The following PVT1 variants were observed in gnomAD, a reference collection of about 807,000 sequenced individuals.
PVT1 encodes Pvt1 oncogene, also known as CXCR4/PVT1 fusion.
At chr8:127,878,095 C>A (rs573188858) in intron 2 of PVT1, among the ~76,000 whole-genome samples, 20 of 152,242 alleles carry the variant, frequency 1.3e-4, no homozygotes, top group African/African-American at 4.8e-4. Context: ...TGGCACTTTA[C>A]CCCTTTGTTC....
intron 6 of PVT1, among the ~76,000 whole-genome samples, chr8:128,096,973 C>T (rs928279178): frequency 1.3e-5 from 2 of 152,204 alleles, no homozygotes; most frequent in African/African-American, 4.8e-5. Context: ...CCAGGCTGGC[C>T]TAGAAACTGC....
At chr8:127,913,775 TC>T (rs1346485032) in intron 3 of PVT1, among the ~76,000 whole-genome samples, 1 of 152,140 alleles carries the variant, frequency 6.6e-6, no homozygotes, top group East Asian at 1.9e-4. Flanking sequence ...CCGCAGTCTT[TC>T]CCTCCCTTAA....
chr8:127,819,710 C>T (rs1310110366), intron 2 of PVT1, among the ~76,000 whole-genome samples: 3 of 152,160 alleles, frequency 2.0e-5, no homozygotes, highest in African/African-American at 7.2e-5. Context: ...TTGGGGATGC[C>T]TTGCAAGGTT....
chr8:128,082,242 T>G (rs1374144683), intron 5 of PVT1, among the ~76,000 whole-genome samples: 1 of 152,214 alleles, frequency 6.6e-6, no homozygotes, highest in Non-Finnish European at 1.5e-5. Context: ...GATAAATAGA[T>G]TGAGCTTTAG....
At chr8:127,845,432 CAG>C (rs1164317584) in intron 2 of PVT1, among the ~76,000 whole-genome samples, 3 of 152,026 alleles carry the variant, frequency 2.0e-5, no homozygotes, top group Non-Finnish European at 4.4e-5. Context: ...CTGGCTGGGA[CAG>C]AGGGGAGAGG....
intron 2 of PVT1, among the ~76,000 whole-genome samples, chr8:127,826,666 A>G (rs1212902878): frequency 2.0e-5 from 3 of 152,228 alleles, no homozygotes; most frequent in African/African-American, 7.2e-5. Context: ...AAGGGTGCAC[A>G]AAGAAAATGG....
chr8:127,977,994 C>T (rs1385513965), intron 3 of PVT1, among the ~76,000 whole-genome samples: 1 of 152,170 alleles, frequency 6.6e-6, no homozygotes, highest in Non-Finnish European at 1.5e-5. Context: ...GTTATATTTA[C>T]CCCAGCATCT....
At chr8:128,038,512 A>C (rs1310963600) in intron 4 of PVT1, among the ~76,000 whole-genome samples, 2 of 152,330 alleles carry the variant, frequency 1.3e-5, no homozygotes, top group African/African-American at 4.8e-5. Context: ...GAGGTGCGGC[A>C]CGTGAATGGG....
chr8:127,919,901 A>G (rs1191086969), intron 3 of PVT1, among the ~76,000 whole-genome samples: 1 of 152,128 alleles, frequency 6.6e-6, no homozygotes, highest in Non-Finnish European at 1.5e-5. Flanking sequence ...ATCCCTTCGC[A>G]GCGGTAGGCA....
At chr8:127,813,758 G>A (rs1181475144) in intron 2 of PVT1, among the ~76,000 whole-genome samples, 1 of 152,128 alleles carries the variant, frequency 6.6e-6, no homozygotes, top group Non-Finnish European at 1.5e-5. Context: ...CAAAAACATG[G>A]TCACCCTCAA....
intron 2 of PVT1, among the ~76,000 whole-genome samples, chr8:127,851,426 C>T (rs146235931): frequency 1.3e-5 from 2 of 152,308 alleles, no homozygotes; most frequent in East Asian, 3.9e-4. Flanking sequence ...TGAGCCACCC[C>T]CGCCCATGGC....
chr8:127,901,448 G>A (rs12542175), intron 3 of PVT1, among the ~76,000 whole-genome samples: 31,440 of 152,230 alleles, frequency 0.21, 4,104 homozygotes, highest in Non-Finnish European at 0.28. Flanking sequence ...AGATGCCCTC[G>A]GTGGCCCAGA....
At chr8:127,849,054 T>C (rs768738536) in intron 2 of PVT1, among the ~76,000 whole-genome samples, 1 of 152,202 alleles carries the variant, frequency 6.6e-6, no homozygotes, top group Non-Finnish European at 1.5e-5. Flanking sequence ...TCTCTTTCTC[T>C]GTGCCAACCC....
intron 2 of PVT1, among the ~76,000 whole-genome samples, chr8:127,813,426 C>T (rs1468349010): frequency 6.6e-6 from 1 of 151,976 alleles, no homozygotes; most frequent in Non-Finnish European, 1.5e-5. Context: ...GAAAAGTGTG[C>T]AAACATCATC....
chr8:127,970,999 T>C (rs1440634565), intron 3 of PVT1, among the ~76,000 whole-genome samples: 1 of 152,216 alleles, frequency 6.6e-6, no homozygotes, highest in African/African-American at 2.4e-5. Context: ...AATTCTTCTA[T>C]GTGCTATCAG....
chr8:127,863,473 T>C lies in PVT1; in HGVS notation n.373-27116T>C, dbSNP rs79072408. 1.9e-3 allele frequency among the ~76,000 whole-genome samples: 285 copies of C among 152,312 alleles called. 6 individuals are homozygous for C. The East Asian group carries it at 0.049, about 26-fold the overall frequency. ...GCCAAGGAACTTCTCTCTTCCCTTC[T>C]GTCTTCATAAACAAAAAATCCTACT... On this transcript the variant is annotated intron_variant and non_coding_transcript_variant, in intron 2 of 10. Transcript: ENST00000651587.
rs76871627 is a variant in PVT1, at chr8:127,840,233, G to A, written n.372+44162G>A. ...TCACGGCCACTGCCATCAGGAGAACGTCTTTCTCTATGCTAGGTGTGAACA... is the reference window on the plus strand; with the variant it reads ...TCACGGCCACTGCCATCAGGAGAACATCTTTCTCTATGCTAGGTGTGAACA... On this transcript the variant is annotated intron_variant and non_coding_transcript_variant, in intron 2 of 10. Coordinates refer to ENST00000651587, the Ensembl canonical transcript of PVT1. Among the ~76,000 whole-genome samples, 1,112 of 152,288 alleles carry A rather than the reference G, an allele frequency of 7.3e-3. 20 individuals are homozygous for A. Among genetic ancestry groups the A allele is most frequent in the African/African-American group, 0.025 (1,033 of 41,554 alleles).
chr8:128,089,162 C>T (rs1178042096), intron 5 of PVT1, among the ~76,000 whole-genome samples: 2 of 152,226 alleles, frequency 1.3e-5, no homozygotes, highest in Non-Finnish European at 2.9e-5. Context: ...TGATCAGAGA[C>T]CTACTGTCTT....
chr8:128,066,780 A>G (rs1813916531), intron 4 of PVT1, among the ~76,000 whole-genome samples: 1 of 152,204 alleles, frequency 6.6e-6, no homozygotes, highest in Admixed American at 6.5e-5. Flanking sequence ...TGTCCTGAGC[A>G]TCTATCCTCA....
Sources: gnomAD v4.1 joint callset for allele counts (sites outside exome capture counted in the v4.1 genomes callset) on GRCh38, gnomAD v4.1.1 for gene constraint, MANE v1.5 for transcripts, NCBI Gene and HGNC (gene_info 2026-07-23, HGNC 2026-07-21) for gene names.